AKR1B10: variants seen among roughly 807,000 people sequenced by gnomAD.
AKR1B10 encodes the protein ARP.
Under a neutral mutation model 38.9 loss-of-function variants are expected in AKR1B10, and 39 were observed. The ratio of observed to expected loss-of-function variants is 1.00; its 90% confidence interval spans 0.78 to 1.31. AKR1B10 has a LOEUF of 1.31. Ranked by LOEUF, AKR1B10 falls within the 50% of genes most tolerant of loss-of-function variation. AKR1B10 has a pLI of 0.00. For missense variants in AKR1B10, 361 were observed against 382.6 expected (o/e 0.94, Z 0.47); for synonymous variants, 148 against 141.2 (o/e 1.05, Z -0.34).
At chr7:134,535,544 C>G in intron 4 of AKR1B10, 2 of 928,310 alleles carry the variant, frequency 2.2e-6, no homozygotes, top group Non-Finnish European at 2.6e-6. Flanking sequence ...TTGCTCCTGC[C>G]TTCCTGTGTC....
chr7:134,536,930 GTA>G (rs1808025582), intron 5 of AKR1B10, 119 bp from the exon 6 acceptor site: 1 of 1,581,630 alleles, frequency 6.3e-7, no homozygotes, highest in Admixed American at 1.7e-5. Context: ...GATTTAGCAA[GTA>G]TCTCAGTGGG....
At chr7:134,535,391 A>T (rs1416822109) in intron 4 of AKR1B10, among the ~76,000 whole-genome samples, 1 of 151,970 alleles carries the variant, frequency 6.6e-6, no homozygotes, top group Non-Finnish European at 1.5e-5. Context: ...TCACCTCCCA[A>T]AGTGCTGAGA....
chr7:134,532,859 C>T, intron 3 of AKR1B10, 145 bp from the exon 4 acceptor site: 1 of 624,878 alleles, frequency 1.6e-6, no homozygotes, highest in Non-Finnish European at 2.8e-6. Flanking sequence ...TAATTAAACT[C>T]ACATTCCTAA....
rs769883758 is a variant in AKR1B10 at position 134,541,021 on chromosome 7, TTTTTG to T, written c.909-21_909-17del. 2.7e-6 allele frequency: 4 copies of T among 1,497,246 alleles called. No individual in the cohort carries two copies. In the South Asian group the frequency reaches 4.5e-5, roughly 17 times the overall value. 92.7% of individuals were successfully genotyped at this position (1,497,246 alleles called of 1,614,324 possible). A position where few individuals can be genotyped will look rare whatever the true frequency, so the allele number is the denominator to read the frequency against. On this transcript the variant is annotated intron_variant, in intron 9 of 9. Transcript: ENST00000359579. Reference sequence around the variant, plus strand: ...GTTTTGATGGAACTCAGTTTCTCTGTTTTTGTTTTTTGTTCTTTCCTGCAGATCCT... The same window carrying T: ...GTTTTGATGGAACTCAGTTTCTCTGTTTTTTTGTTCTTTCCTGCAGATCCT...
At chr7:134,530,181 C>T (rs988613771) in intron 1 of AKR1B10, among the ~76,000 whole-genome samples, 3 of 152,080 alleles carry the variant, frequency 2.0e-5, no homozygotes, top group African/African-American at 4.8e-5. Context: ...GTCTGAAAAT[C>T]CCTTGGGGTT....
chr7:134,527,805 C>G lies in AKR1B10; in HGVS notation c.-107C>G. On this transcript the variant is annotated 5_prime_UTR_variant, in exon 1 of 10. Coordinates refer to ENST00000359579, the MANE Select transcript of AKR1B10 (RefSeq NM_020299.5). The stretch of plus-strand genomic sequence containing the variant: ...AGGTTGTAGTGAGCTGAGATCGCAC[C>G]ACTGCACTCTAGCCTTGGCAACAGT... The G allele has an allele frequency of 6.5e-7, 1 of 1,526,950 alleles. No homozygotes were observed. The highest frequency in any genetic ancestry group is 1.2e-5 in the South Asian group (1 of 85,874). 94.6% of individuals were successfully genotyped at this position (1,526,950 alleles called of 1,614,324 possible).
intron 1 of AKR1B10, 147 bp downstream of exon 1, chr7:134,528,124 C>G (rs1468272786): frequency 1.8e-6 from 2 of 1,083,874 alleles, no homozygotes; most frequent in East Asian, 2.6e-5. Context: ...AGGTTGCTTT[C>G]TTTTCTCAGA....
rs896163819 is a variant in AKR1B10, at chr7:134,537,282, G to A, written c.659+125G>A. 7.8e-6 allele frequency: 11 copies of A among 1,407,294 alleles called. No homozygotes were observed. The African/African-American group carries it at 1.6e-4, about 21-fold the overall frequency. 87.2% of individuals were successfully genotyped at this position (1,407,294 alleles called of 1,614,324 possible). On this transcript the variant is annotated intron_variant, in intron 6 of 9. Coordinates refer to ENST00000359579, the MANE Select transcript of AKR1B10 (RefSeq NM_020299.5). ...AAATGTGTGTAAGGTAACACGTTTG[G>A]TACACACAAATGGGATGGCAGTGGG... is the stretch of plus-strand genomic sequence containing the variant.
chr7:134,539,159 G>T (rs1808086733), intron 9 of AKR1B10, 142 bp downstream of exon 9: 1 of 939,566 alleles, frequency 1.1e-6, no homozygotes, highest in Non-Finnish European at 1.6e-6. Context: ...TTAAAATTGG[G>T]GTACCTGGGA....
At chr7:134,538,382 T>A in intron 8 of AKR1B10, 105 bp downstream of exon 8, 1 of 1,126,446 alleles carries the variant, frequency 8.9e-7, no homozygotes, top group Non-Finnish European at 1.3e-6. Flanking sequence ...TTTTGCCCCC[T>A]CCCTTCCCAC....
chr7:134,527,733 C>CATTAAAA lies in AKR1B10; in HGVS notation c.-179_-178insATTAAAA. The stretch of plus-strand genomic sequence containing the variant: ...TCACGGTGGGCGCCTGTAATCCCAG[C>CATTAAAA]TACTCGGGAGGCTGAGGCAGGAGAA... On this transcript the variant is annotated 5_prime_UTR_variant, in exon 1 of 10. Transcript: ENST00000359579. 7.3e-6 allele frequency: 4 copies of CATTAAAA among 544,822 alleles called. No individual in the cohort carries two copies. Among genetic ancestry groups the CATTAAAA allele is most frequent in the South Asian group, 4.7e-5 (1 of 21,406 alleles). 33.7% of individuals were successfully genotyped at this position (544,822 alleles called of 1,614,324 possible).
chr7:134,537,707 A>G (rs1808050964), intron 7 of AKR1B10, 46 bp downstream of exon 7: 1 of 1,604,202 alleles, frequency 6.2e-7, no homozygotes, highest in Non-Finnish European at 8.5e-7. Flanking sequence ...TCATTCTTCC[A>G]GTCTCGTGTT....
chr7:134,530,101 G>A (rs1481612596), intron 1 of AKR1B10, among the ~76,000 whole-genome samples: 1 of 152,060 alleles, frequency 6.6e-6, no homozygotes, highest in Non-Finnish European at 1.5e-5. Flanking sequence ...CACACACCCA[G>A]TAAGTGATCG....
At chr7:134,537,555 C>G in intron 6 of AKR1B10, 25 bp from the exon 7 acceptor site, 8 of 1,607,948 alleles carry the variant, frequency 5.0e-6, no homozygotes, top group Non-Finnish European at 6.8e-6. Flanking sequence ...GGTGATTATT[C>G]ACATCAGCAT....
intron 2 of AKR1B10, among the ~76,000 whole-genome samples, chr7:134,531,310 T>C (rs1469880733): frequency 6.6e-6 from 1 of 152,116 alleles, no homozygotes; most frequent in Admixed American, 6.5e-5. Flanking sequence ...AAGAAGAAGA[T>C]GTTGGGTGTG....
At chr7:134,528,499 G>A (rs997488586) in intron 1 of AKR1B10, among the ~76,000 whole-genome samples, 1 of 152,180 alleles carries the variant, frequency 6.6e-6, no homozygotes. Context: ...CCAGACGGGA[G>A]GGTTGCTTGA....
In AKR1B10 at chr7:134,538,923, C is replaced by G; in HGVS notation, c.826-12C>G. ...CCTTACTGATGATGTATTGGAACTC[C>G]TACCTTTCCAGGTCTTTGACTTTAA... On this transcript the variant is annotated splice_polypyrimidine_tract_variant and intron_variant, in intron 8 of 9. Coordinates refer to ENST00000359579, the MANE Select transcript of AKR1B10 (RefSeq NM_020299.5). 6.2e-7 allele frequency: 1 copy of G among 1,614,032 alleles called. No homozygotes were observed. Among genetic ancestry groups the G allele is most frequent in the Admixed American group, 1.7e-5 (1 of 60,024 alleles).
At chr7:134,528,499 G>C (rs997488586) in intron 1 of AKR1B10, among the ~76,000 whole-genome samples, 1 of 152,180 alleles carries the variant, frequency 6.6e-6, no homozygotes, top group African/African-American at 2.4e-5. Flanking sequence ...CCAGACGGGA[G>C]GGTTGCTTGA....
rs58628862 is a variant in AKR1B10, at chr7:134,535,585, C to CTTTT, written c.430-1045_430-1042dup. 3.2e-3 allele frequency: 1,329 copies of CTTTT among 410,436 alleles called. 5 individuals carry two copies. Among genetic ancestry groups the CTTTT allele is most frequent in the Non-Finnish European group, 3.4e-3 (1,147 of 336,252 alleles). 25.4% of individuals were successfully genotyped at this position (410,436 alleles called of 1,614,324 possible). On this transcript the variant is annotated intron_variant, in intron 4 of 9. Transcript: ENST00000359579. ...CTCATGTTTTTTCCCTCTTTTCTGT[C>CTTTT]TTTTTTTTTTTTTTTTTTTTTTTCT...
Sources: gnomAD v4.1 joint callset for allele counts (sites outside exome capture counted in the v4.1 genomes callset) on GRCh38, gnomAD v4.1.1 for gene constraint, MANE v1.5 for transcripts, NCBI Gene and HGNC (gene_info 2026-07-23, HGNC 2026-07-21) for gene names.